Variants in LRRC37B observed in about 807,000 individuals in gnomAD.
LRRC37B encodes leucine-rich repeat-containing protein 37B.
LRRC37B carries 28 observed loss-of-function variants against 98.3 expected under a neutral mutation model. The observed-to-expected ratio is 0.28, with a 90% CI of 0.21 to 0.39. The LOEUF is 0.39. LRRC37B is among the 10% of genes least tolerant of loss of function. The pLI is 1.00. For synonymous variants in LRRC37B, 364 were observed against 442.7 expected (o/e 0.82, Z 2.23); for missense variants, 938 against 1,182.7 (o/e 0.79, Z 3.03).
At chr17:32,049,981 C>CT (rs752727279) in intron 10 of LRRC37B, 22 bp from the exon 14 acceptor site, 14,644 of 1,205,094 alleles carry the variant, frequency 0.012, 1 homozygote, top group South Asian at 0.02. Context: ...TTTCTTTTTT[C>CT]TTTTTTTTTT....
exon 12 of LRRC37B, chr17:32,053,322 A>G (rs772182113): frequency 1.1e-5 from 18 of 1,606,916 alleles, no homozygotes; most frequent in South Asian, 1.0e-4. Flanking sequence ...CAATATCAGG[A>G]GCCTGAGCAT....
chr17:32,018,930 T>TTTG (rs534146175), upstream of LRRC37B, among the ~76,000 whole-genome samples: 240 of 152,154 alleles, frequency 1.6e-3, 2 homozygotes, highest in African/African-American at 5.5e-3. Context: ...CATTTTTATC[T>TTTG]TTGTTGTTGT....
chr17:32,053,040 C>T (rs1001723337), intron 11 of LRRC37B: 3 of 516,498 alleles, frequency 5.8e-6, no homozygotes, highest in Non-Finnish European at 1.0e-5. Flanking sequence ...TCCACAGATT[C>T]TGGTATGGTG....
intron 1 of LRRC37B, among the ~76,000 whole-genome samples, chr17:32,015,821 G>A (rs756645692): frequency 2.0e-4 from 30 of 152,140 alleles, no homozygotes; most frequent in Admixed American, 2.6e-4. Flanking sequence ...GAGCCAGGGG[G>A]GCATGAGTAA....
chr17:32,016,768 A>G (rs567219670), upstream of LRRC37B, among the ~76,000 whole-genome samples: 2 of 152,354 alleles, frequency 1.3e-5, no homozygotes, highest in African/African-American at 2.4e-5. Context: ...TCAAACTTTC[A>G]TGACCATAGA....
At chr17:32,024,852 T>G in intron 2 of LRRC37B, 70 bp downstream of exon 5, 1 of 1,572,526 alleles carries the variant, frequency 6.4e-7, no homozygotes, top group Non-Finnish European at 8.7e-7. Flanking sequence ...TCCAGAATTT[T>G]GAGGTCCATA....
At chr17:32,014,379 A>C (rs762671252) in intron 1 of LRRC37B, among the ~76,000 whole-genome samples, 2 of 152,210 alleles carry the variant, frequency 1.3e-5, no homozygotes, top group African/African-American at 2.4e-5. Context: ...AGAAATGTCA[A>C]TCCAGAATTC....
At chr17:32,016,457 G>A (rs999844947), upstream of LRRC37B, among the ~76,000 whole-genome samples, 5 of 152,126 alleles carry the variant, frequency 3.3e-5, no homozygotes, top group African/African-American at 7.2e-5. Context: ...TTTGGCTTCC[G>A]TTTGCATCAA....
chr17:32,021,187 C>T (rs79573699), exon 1 of LRRC37B: 39,129 of 1,613,308 alleles, frequency 0.024, 777 homozygotes, highest in South Asian at 0.073. Flanking sequence ...CCCCTCCTTA[C>T]GTGGCAACTA....
intron 1 of LRRC37B, among the ~76,000 whole-genome samples, chr17:32,012,042 T>C (rs1433798194): frequency 2.0e-5 from 3 of 152,178 alleles, no homozygotes; most frequent in Admixed American, 2.0e-4. Context: ...AAAAAAAATT[T>C]AGAGGTTTGT....
chr17:32,034,817 C>T (rs1196766093), intron 5 of LRRC37B, 93 bp from the exon 9 acceptor site: 2 of 927,584 alleles, frequency 2.2e-6, no homozygotes, highest in Admixed American at 2.3e-5. Flanking sequence ...TTTTTTTTAC[C>T]TAAAAGTTCC....
At chr17:32,032,682 C>T (rs1447141334) in intron 5 of LRRC37B, among the ~76,000 whole-genome samples, 1 of 152,160 alleles carries the variant, frequency 6.6e-6, no homozygotes, top group Non-Finnish European at 1.5e-5. Context: ...GCAGATGCTC[C>T]TCTCTGTCTT....
chr17:32,049,072 G>T lies in LRRC37B; in HGVS notation c.2465-30G>T, dbSNP rs1911669166. 5 of 1,613,090 alleles carry T rather than the reference G, an allele frequency of 3.1e-6. No homozygotes were observed. The Admixed American group carries it at 8.3e-5, about 27-fold the overall frequency. ...ATTGACTTGTCCCCTGAGCCCAAAA[G>T]CTTCAATTACCCATTGCTCTCGTCC... On this transcript the variant is annotated intron_variant, in intron 9 of 11. Coordinates refer to ENST00000327564, the Ensembl canonical transcript of LRRC37B.
chr17:32,011,608 G>C (rs1443233215), intron 1 of LRRC37B, among the ~76,000 whole-genome samples: 9 of 150,800 alleles, frequency 6.0e-5, no homozygotes, highest in Non-Finnish European at 8.9e-5. Context: ...AATGATTCTC[G>C]TGCCTCAGCC....
intron 7 of LRRC37B, chr17:32,042,457 C>T (rs1311033057): frequency 6.4e-6 from 1 of 156,894 alleles, no homozygotes; most frequent in African/African-American, 2.4e-5. Context: ...CCAGGCCTCC[C>T]CTTGCCAAGC....
In LRRC37B at chr17:32,025,339, G is replaced by A. The variant is rs547407772; in HGVS notation, c.1832+557G>A. On this transcript the variant is annotated intron_variant, in intron 2 of 11. Coordinates refer to ENST00000327564, the Ensembl canonical transcript of LRRC37B. ...GCATGAGCCACCACCCCCAGCCCAT[G>A]ATTCTATTTTTAATGTATAAAAATG... Among the ~76,000 whole-genome samples, 184 of 151,998 alleles carry A rather than the reference G, an allele frequency of 1.2e-3. 4 individuals carry two copies. In the South Asian group the frequency reaches 0.029, roughly 24 times the overall value.
rs146550882 is a variant in LRRC37B at position 32,014,408 on chromosome 17, C to G, written c.-190-3564C>G. 8.4e-4 allele frequency among the ~76,000 whole-genome samples: 128 copies of G among 152,092 alleles called. 1 individual carries two copies. In the East Asian group the frequency reaches 0.015, roughly 17 times the overall value. On this transcript the variant is annotated intron_variant, in intron 1 of 14. Coordinates refer to the LRRC37B transcript ENST00000543378. ...AGAATTCTATATCCAGCAAAAATAC[C>G]CTTCAACAATTAAGGCAAAAAGAAA...
upstream of LRRC37B, among the ~76,000 whole-genome samples, chr17:32,019,365 G>A (rs745401371): frequency 1.6e-4 from 25 of 152,112 alleles, no homozygotes; most frequent in Non-Finnish European, 2.9e-4. Flanking sequence ...AGGCTATACC[G>A]CATAGCCTAG....
At chr17:32,014,107 A>G (rs1910598333) in intron 1 of LRRC37B, among the ~76,000 whole-genome samples, 3 of 152,208 alleles carry the variant, frequency 2.0e-5, no homozygotes, top group Admixed American at 6.5e-5. Flanking sequence ...AACTCCAGTT[A>G]TGTATTTCAA....
Sources: gnomAD v4.1 joint callset for allele counts (sites outside exome capture counted in the v4.1 genomes callset) on GRCh38, gnomAD v4.1.1 for gene constraint, MANE v1.5 for transcripts, NCBI Gene and HGNC (gene_info 2026-07-23, HGNC 2026-07-21) for gene names.